Variants in CLK1 observed in about 807,000 individuals in gnomAD.
CLK1 encodes CDC like kinase 1.
CLK1 carries 40 observed loss-of-function variants against 60.9 expected under a neutral mutation model. That is an observed-to-expected ratio of 0.66 (90% CI 0.51 to 0.86). CLK1 has a LOEUF of 0.86. Ranked by LOEUF, CLK1 falls within the 40% of genes least tolerant of loss-of-function variation. CLK1 has a pLI of 0.00. For missense variants in CLK1, 563 were observed against 606.1 expected, an observed-to-expected ratio of 0.93 and a Z score of 0.75; for synonymous variants, 203 against 184.4, an observed-to-expected ratio of 1.10 and a Z score of -0.82.
At position 200,857,795 on chromosome 2, in the gene CLK1, A is replaced by C; in HGVS notation, c.755T>G (p.Ile252Ser). The change falls in exon 7 of 13, where the codon ATT (isoleucine) becomes AGT (serine). Residue 252 changes from isoleucine to serine, a missense_variant. Physicochemically the swap from Ile to Ser is moderately radical, Grantham distance 142 (BLOSUM62 -2). Transcript: ENST00000321356. ...AAATGGTAGAAAACCATTTTCTTTAATGAAGTCGTAAGTACTAAGTCCCAA... is the reference window on the plus strand; with the variant it reads ...AAATGGTAGAAAACCATTTTCTTTACTGAAGTCGTAAGTACTAAGTCCCAA... ...ELLGLSTYDF[I>S]KENGFLPFRL... The C allele has an allele frequency of 6.2e-7, 1 of 1,613,670 alleles. No homozygotes were observed. Among genetic ancestry groups the C allele is most frequent in the Non-Finnish European group, 8.5e-7 (1 of 1,179,762 alleles).
chr2:200,859,854 T>C lies in CLK1; in HGVS notation c.482-108A>G, dbSNP rs2039106195. The C allele has an allele frequency of 5.3e-6, 8 of 1,509,040 alleles. No homozygotes were observed. The South Asian group carries it at 1.1e-4, about 20-fold the overall frequency. The allele number at this position is 1,509,040 out of a possible 1,614,324, so 93.5% of individuals were successfully genotyped here. ...TTCTAGTTGATGCTACAAATTTCCT[T>C]ATCACTAGATATTTTATTGGTCAAC... On this transcript the variant is annotated intron_variant, in intron 4 of 12. Transcript: ENST00000321356.
At chr2:200,860,974 C>T (rs1260041414) in intron 3 of CLK1, 2 of 1,223,690 alleles carry the variant, frequency 1.6e-6, no homozygotes, top group Non-Finnish European at 2.0e-6. Context: ...TAATAATTTT[C>T]AACTAATCTA....
chr2:200,864,299 T>G (rs1290810172), intron 1 of CLK1: 3 of 1,476,196 alleles, frequency 2.0e-6, no homozygotes, highest in Non-Finnish European at 2.7e-6. Context: ...CGCCGCTTCC[T>G]CAGCGGAGGG....
intron 3 of CLK1, chr2:200,860,962 T>C: frequency 8.3e-7 from 1 of 1,199,290 alleles, no homozygotes; most frequent in East Asian, 4.1e-5. Context: ...TAGAATATTT[T>C]GTAATAATTT....
At position 200,858,083 on chromosome 2, in the gene CLK1, A is replaced by C; in HGVS notation, c.555T>G (p.Gly185=). The C allele has an allele frequency of 4.4e-6, 7 of 1,602,144 alleles. No homozygotes were observed. The highest frequency in any genetic ancestry group is 5.1e-6 in the Non-Finnish European group (6 of 1,169,200). Residue 185 remains glycine (G), a synonymous_variant, in exon 6 of 13, where the codon GGT becomes GGG. Transcript: ENST00000321356. ...VVECIDHKAG[G]RHVAVKIVKN... ...TAACTATTTTTACTGCTACATGTCT[A>C]CCTCCCCTGTTAGAAAGATGCATGC... is the stretch of plus-strand genomic sequence containing the variant.
At chr2:200,853,510 A>T in intron 12 of CLK1, 61 bp from the exon 13 acceptor site, 1 of 1,411,942 alleles carries the variant, frequency 7.1e-7, no homozygotes, top group Non-Finnish European at 9.7e-7. Flanking sequence ...TACACTATGT[A>T]ACAGTATAGT....
At position 200,853,456 on chromosome 2, in the gene CLK1, GA is replaced by G. The variant is rs776932657; in HGVS notation, c.1312-8del. The G allele has an allele frequency of 6.3e-7, 1 of 1,596,002 alleles. No homozygotes were observed. Among genetic ancestry groups the G allele is most frequent in the Non-Finnish European group, 8.5e-7 (1 of 1,175,372 alleles). ...CTTGAGAAAGCATAAATTCCTGGAA[GA>G]AAAAAAGAAATTCATTCAACAGCCT... On this transcript the variant is annotated splice_polypyrimidine_tract_variant and splice_region_variant and intron_variant, in intron 12 of 12. Transcript: ENST00000321356.
At chr2:200,858,360 T>C (rs1158253829) in intron 5 of CLK1, among the ~76,000 whole-genome samples, 1 of 152,224 alleles carries the variant, frequency 6.6e-6, no homozygotes, top group Non-Finnish European at 1.5e-5. Flanking sequence ...GTTCTTTTAG[T>C]CCAGGTTGCC....
chr2:200,855,937 AG>A (rs1457139573), intron 9 of CLK1, among the ~76,000 whole-genome samples: 2 of 150,930 alleles, frequency 1.3e-5, no homozygotes, highest in African/African-American at 4.9e-5. Flanking sequence ...TGAACCCAGG[AG>A]GCAGAAGTTG....
intron 3 of CLK1, chr2:200,860,933 G>A: frequency 8.8e-7 from 1 of 1,130,102 alleles, no homozygotes; most frequent in East Asian, 5.7e-5. Flanking sequence ...GTTTCTTGAA[G>A]TACCACAAAA....
At position 200,853,385 on chromosome 2, in the gene CLK1, T is replaced by TC. The variant is rs751304662; in HGVS notation, c.1375dup (p.Glu459GlyfsTer3). 1 of 1,613,284 alleles carries TC rather than the reference T, an allele frequency of 6.2e-7. No homozygotes were observed. Among genetic ancestry groups the TC allele is most frequent in the Non-Finnish European group, 8.5e-7 (1 of 1,179,532 alleles). On this transcript the variant is annotated frameshift_variant, in exon 13 of 13. Coordinates refer to ENST00000321356, the MANE Select transcript of CLK1 (RefSeq NM_004071.4). LOFTEE classifies it high-confidence loss of function. ...AGTAATTCTTTTGGCTGGATCATAC[T>TC]CCAACATTTTCTGAATGAGGTCAAA... is the stretch of plus-strand genomic sequence containing the variant.
At chr2:200,857,032 A>T (rs1387647717) in intron 7 of CLK1, 47 bp from the exon 8 acceptor site, 1 of 1,480,706 alleles carries the variant, frequency 6.8e-7, no homozygotes, top group Non-Finnish European at 9.4e-7. Flanking sequence ...ACCAAACCAA[A>T]CCAAATCACA....
intron 5 of CLK1, among the ~76,000 whole-genome samples, chr2:200,859,457 T>C (rs919328465): frequency 6.6e-6 from 1 of 152,052 alleles, no homozygotes; most frequent in Non-Finnish European, 1.5e-5. Flanking sequence ...TTCAAAACAA[T>C]ATAAAGTGTG....
Position 200,854,603 on chromosome 2 carries a change from T to C in CLK1, c.1220+13A>G, listed in dbSNP as rs1334326614. ...AAATGATACTAAGGATGTCACTAACTCTTAAAACGTACCTGGTTTTCTGTA... is the reference window on the plus strand; with the variant it reads ...AAATGATACTAAGGATGTCACTAACCCTTAAAACGTACCTGGTTTTCTGTA... On this transcript the variant is annotated intron_variant, in intron 11 of 12. Coordinates refer to ENST00000321356, the MANE Select transcript of CLK1 (RefSeq NM_004071.4). 3.3e-6 allele frequency: 5 copies of C among 1,522,238 alleles called. No homozygotes were observed. In the African/African-American group the frequency reaches 5.5e-5, roughly 17 times the overall value. The allele number at this position is 1,522,238 out of a possible 1,614,324, so 94.3% of individuals were successfully genotyped here.
chr2:200,864,561 T>C lies in CLK1; in HGVS notation c.-1+3A>G. 3.3e-6 allele frequency: 1 copy of C among 298,972 alleles called. No homozygotes were observed. Among genetic ancestry groups the C allele is most frequent in the Non-Finnish European group, 6.3e-6 (1 of 159,428 alleles). The allele number at this position is 298,972 out of a possible 1,614,324, so 18.5% of individuals were successfully genotyped here. A position where few individuals can be genotyped will look rare whatever the true frequency, so the allele number is the denominator to read the frequency against. On this transcript the variant is annotated splice_donor_region_variant and intron_variant, in intron 1 of 12. Coordinates refer to ENST00000321356, the MANE Select transcript of CLK1 (RefSeq NM_004071.4). ...ACCTAGTCCGCTCCCTCCTGCGTCT[T>C]ACCGTCCTGGACAAAGACTCCAAGT...
At chr2:200,864,394 C>A in intron 1 of CLK1, 170 bp downstream of exon 1, 1 of 930,468 alleles carries the variant, frequency 1.1e-6, no homozygotes, top group Non-Finnish European at 1.5e-6. Flanking sequence ...CTCGGCCGCG[C>A]AGGAAAGAGG....
intron 5 of CLK1, 105 bp from the exon 6 acceptor site, chr2:200,858,194 T>A (rs1032454379): frequency 3.7e-6 from 3 of 810,146 alleles, no homozygotes; most frequent in Admixed American, 1.9e-5. Flanking sequence ...TGTATTTTTT[T>A]AATTTATGGT....
In CLK1 at chr2:200,853,972, G is replaced by A. The variant is rs376866439; in HGVS notation, c.1242C>T (p.His414=). Residue 414 remains histidine, a synonymous_variant, in exon 12 of 13, where the codon CAC becomes CAT. Coordinates refer to ENST00000321356, the MANE Select transcript of CLK1 (RefSeq NM_004071.4). ...TGTGTTCATCCCAGTCTAATCGATC[G>A]TGGTGAAAATATTTACGTTTCCTAA... ...QKTRKRKYFH[H]DRLDWDEHSS... is the part of the protein sequence containing the mutation. The A allele has an allele frequency of 8.7e-6, 14 of 1,609,584 alleles. No homozygotes were observed. Among genetic ancestry groups the A allele is most frequent in the East Asian group, 4.5e-5 (2 of 44,392 alleles).
At chr2:200,864,349 A>AT in intron 1 of CLK1, 1 of 1,289,132 alleles carries the variant, frequency 7.8e-7, no homozygotes, top group Non-Finnish European at 1.0e-6. Flanking sequence ...CAAACACCGT[A>AT]ACTACCCCCG....
Sources: gnomAD v4.1 joint callset for allele counts (sites outside exome capture counted in the v4.1 genomes callset) on GRCh38, gnomAD v4.1.1 for gene constraint, MANE v1.5 for transcripts, NCBI Gene and HGNC (gene_info 2026-07-23, HGNC 2026-07-21) for gene names.